Variants in CLCA4 observed in about 807,000 individuals in gnomAD.
The protein encoded by CLCA4 is chloride channel accessory 4, also known as calcium-activated chloride channel regulator 4.
In CLCA4, 69 loss-of-function variants were observed where a neutral mutation model predicts 78.9. The ratio of observed to expected loss-of-function variants is 0.87; its 90% CI spans 0.72 to 1.07. CLCA4 has a LOEUF of 1.07. Among genes scored for constraint, CLCA4 ranks in the 50% least tolerant of loss-of-function variants. CLCA4 has a pLI of 0.00. For missense variants in CLCA4, 1,133 were observed against 1,095.8 expected (o/e 1.03, Z -0.48); for synonymous variants, 362 against 375.8 (o/e 0.96, Z 0.42).
At chr1:86,558,995 T>C (rs774423664) in intron 1 of CLCA4, among the ~76,000 whole-genome samples, 3 of 152,074 alleles carry the variant, frequency 2.0e-5, no homozygotes, top group Non-Finnish European at 4.4e-5. Flanking sequence ...TTTTTTTCAT[T>C]TCAACCTTGG....
Position 86,575,518 on chromosome 1 carries a change from G to A in CLCA4, c.1870G>A (p.Val624Ile). 6.2e-7 allele frequency: 1 copy of A among 1,613,414 alleles called. No homozygotes were observed. Among genetic ancestry groups the A allele is most frequent in the Non-Finnish European group, 8.5e-7 (1 of 1,179,530 alleles). Residue 624 changes from valine (V) to isoleucine (I), a missense_variant, in exon 11 of 14, where the codon GTT becomes ATT. By Grantham distance (29) the Val-to-Ile change is conservative (BLOSUM62 3). Transcript: ENST00000370563. Reference protein sequence around the residue: ...YAEILQGYVPVLGANVTAFIE... With the variant: ...YAEILQGYVPILGANVTAFIE... The stretch of plus-strand genomic sequence containing the variant: ...AGAAATTCTACAAGGATATGTACCT[G>A]TTCTTGGAGCCAATGTGACTGCTTT...
intron 9 of CLCA4, among the ~76,000 whole-genome samples, 185 bp from the exon 10 acceptor site, chr1:86,574,355 G>C (rs1650444448): frequency 6.6e-6 from 1 of 151,970 alleles, no homozygotes; most frequent in South Asian, 2.1e-4. Context: ...TCTGCTCTAA[G>C]TCTCTTACTT....
At position 86,578,005 on chromosome 1, in the gene CLCA4, C is replaced by G; in HGVS notation, c.2055C>G (p.Asn685Lys). 1.2e-6 allele frequency: 2 copies of G among 1,612,834 alleles called. No homozygotes were observed. Among genetic ancestry groups the G allele is most frequent in the Non-Finnish European group, 1.7e-6 (2 of 1,179,368 alleles). The change falls in exon 12 of 14, where the codon AAC becomes AAG. Residue 685 changes from asparagine (N) to lysine (K), a missense_variant. Asn to Lys is a moderately conservative substitution (Grantham distance 94). Coordinates refer to ENST00000370563, the MANE Select transcript of CLCA4 (RefSeq NM_012128.4). Reference protein sequence around the residue: ...SLKVRAHGGANTARLKLRPPL... With the variant: ...SLKVRAHGGAKTARLKLRPPL... ...AAGTTCGGGCTCATGGAGGAGCAAA[C>G]ACTGCCAGGCTAAAATTACGGCCTC...
intron 1 of CLCA4, among the ~76,000 whole-genome samples, chr1:86,548,065 A>G (rs1649550389): frequency 6.6e-6 from 1 of 152,120 alleles, no homozygotes; most frequent in Admixed American, 6.5e-5. Context: ...CATTTTCACC[A>G]ATGGTATATA....
intron 5 of CLCA4, 39 bp from the exon 6 acceptor site, chr1:86,565,763 G>C: frequency 4.2e-6 from 5 of 1,193,608 alleles, no homozygotes; most frequent in Non-Finnish European, 5.7e-6. Context: ...TTAAATGCAT[G>C]GTATATTAAA....
At chr1:86,561,113 A>G (rs1162117816) in intron 3 of CLCA4, among the ~76,000 whole-genome samples, 1 of 152,216 alleles carries the variant, frequency 6.6e-6, no homozygotes, top group Non-Finnish European at 1.5e-5. Context: ...ACATTCAGCT[A>G]GATCTGGTCC....
intron 1 of CLCA4, among the ~76,000 whole-genome samples, chr1:86,559,164 T>A (rs1486494003): frequency 6.6e-6 from 1 of 152,288 alleles, no homozygotes; most frequent in East Asian, 1.9e-4. Flanking sequence ...TGCTTTCTTC[T>A]GGGAGGAACT....
intron 1 of CLCA4, among the ~76,000 whole-genome samples, chr1:86,557,179 GT>G (rs1649874719): frequency 6.6e-6 from 1 of 151,820 alleles, no homozygotes; most frequent in East Asian, 1.9e-4. Context: ...CTTTTGAGTG[GT>G]TTTTTGTGTC....
chr1:86,571,684 G>A (rs1015532980), intron 8 of CLCA4, among the ~76,000 whole-genome samples: 1 of 151,964 alleles, frequency 6.6e-6, no homozygotes, highest in South Asian at 2.1e-4. Context: ...AATGCAAGGC[G>A]CATGGAGGGA....
chr1:86,573,973 A>C (rs1242081981), intron 9 of CLCA4, among the ~76,000 whole-genome samples: 2 of 152,080 alleles, frequency 1.3e-5, no homozygotes, highest in Non-Finnish European at 2.9e-5. Flanking sequence ...TGCCTATGTT[A>C]ATCTACTTGA....
At chr1:86,565,735 A>G in intron 5 of CLCA4, 67 bp from the exon 6 acceptor site, 2 of 966,308 alleles carry the variant, frequency 2.1e-6, no homozygotes, top group Non-Finnish European at 2.9e-6. Context: ...TAAATTTTTC[A>G]GGTTTGTAGT....
chr1:86,548,105 C>A (rs1247188185), intron 1 of CLCA4, among the ~76,000 whole-genome samples: 1 of 152,110 alleles, frequency 6.6e-6, no homozygotes, highest in Non-Finnish European at 1.5e-5. Context: ...TCCTTGTCAG[C>A]ACTTTTTTTG....
At chr1:86,553,382 C>T (rs1185746035) in intron 1 of CLCA4, 2 of 512,902 alleles carry the variant, frequency 3.9e-6, no homozygotes, top group Non-Finnish European at 7.0e-6. Context: ...CCTGCCGTCT[C>T]GTGCATCCCA....
At position 86,577,956 on chromosome 1, in the gene CLCA4, C is replaced by G. The variant is rs1387741643; in HGVS notation, c.2006C>G (p.Thr669Arg). 2 of 1,612,748 alleles carry G rather than the reference C, an allele frequency of 1.2e-6. No individual in the cohort carries two copies. Among genetic ancestry groups the G allele is most frequent in the South Asian group, 1.1e-5 (1 of 91,026 alleles). ...GVYSRYFTAY[T>R]ENGRYSLKVR... ...TACTCCAGGTATTTTACAGCATATACAGAAAATGGCAGATATAGCTTAAAA... is the reference window on the plus strand; with the variant it reads ...TACTCCAGGTATTTTACAGCATATAGAGAAAATGGCAGATATAGCTTAAAA... Residue 669 changes from threonine to arginine, a missense_variant, in exon 12 of 14, where the codon ACA becomes AGA. Coordinates refer to ENST00000370563, the MANE Select transcript of CLCA4 (RefSeq NM_012128.4).
intron 3 of CLCA4, among the ~76,000 whole-genome samples, chr1:86,562,887 A>T (rs1225435036): frequency 6.6e-6 from 1 of 151,304 alleles, no homozygotes; most frequent in Non-Finnish European, 1.5e-5. Context: ...AGAAAGAAAA[A>T]GAAAAGAAAC....
intron 7 of CLCA4, among the ~76,000 whole-genome samples, 178 bp from the exon 8 acceptor site, chr1:86,570,899 T>A (rs1650331041): frequency 1.3e-5 from 2 of 152,104 alleles, no homozygotes; most frequent in South Asian, 4.1e-4. Context: ...GTTAAAAAAA[T>A]TCATGTTTAA....
At chr1:86,564,982 C>T (rs1269129673) in intron 4 of CLCA4, among the ~76,000 whole-genome samples, 1 of 151,998 alleles carries the variant, frequency 6.6e-6, no homozygotes, top group African/African-American at 2.4e-5. Context: ...CACCAAAAGT[C>T]CAGCAGGAGA....
Position 86,571,394 on chromosome 1 carries a change from T to C in CLCA4, c.1360+140T>C. ...GACCCAATCTCTGTTCTCGTGGCAC[T>C]TGGAGTCCAGTTGGCTGGAGAGACA... On this transcript the variant is annotated intron_variant, in intron 8 of 13. Coordinates refer to ENST00000370563, the MANE Select transcript of CLCA4 (RefSeq NM_012128.4). 4 of 688,240 alleles carry C rather than the reference T, an allele frequency of 5.8e-6. No individual in the cohort carries two copies. In the South Asian group the frequency reaches 9.9e-5, roughly 17 times the overall value. 42.6% of individuals were successfully genotyped at this position (688,240 alleles called of 1,614,324 possible). A position where few individuals can be genotyped will look rare whatever the true frequency, so the allele number is the denominator to read the frequency against.
chr1:86,560,617 A>T (rs1430035542), intron 3 of CLCA4, among the ~76,000 whole-genome samples: 1 of 152,238 alleles, frequency 6.6e-6, no homozygotes, highest in Admixed American at 6.5e-5. Flanking sequence ...TACTCAGTAC[A>T]GTGTCTACAA....
Sources: gnomAD v4.1 joint callset for allele counts (sites outside exome capture counted in the v4.1 genomes callset) on GRCh38, gnomAD v4.1.1 for gene constraint, MANE v1.5 for transcripts, NCBI Gene and HGNC (gene_info 2026-07-23, HGNC 2026-07-21) for gene names.